ZNF236: variants seen among roughly 807,000 people sequenced by gnomAD.
ZNF236 encodes zinc finger protein 236.
ZNF236 carries 50 observed loss-of-function variants against 191.2 expected under a neutral mutation model. The observed-to-expected ratio is 0.26, with a 90% CI of 0.21 to 0.33. The LOEUF is 0.33. ZNF236 is among the 10% of genes least tolerant of loss of function. The pLI is 1.00. For synonymous variants in ZNF236, 907 were observed against 928.8 expected, an observed-to-expected ratio of 0.98 and a Z score of 0.43; for missense variants, 1,754 against 2,374.5, an observed-to-expected ratio of 0.74 and a Z score of 5.43.
At chr18:76,965,934 G>A (rs1466319930) in intron 30 of ZNF236, among the ~76,000 whole-genome samples, 1 of 152,226 alleles carries the variant, frequency 6.6e-6, no homozygotes, top group Non-Finnish European at 1.5e-5. Flanking sequence ...TGGTGGGCGG[G>A]GCCCTAGACC....
At chr18:76,868,110 C>CTGTG (rs373438759) in intron 3 of ZNF236, among the ~76,000 whole-genome samples, 1 of 151,732 alleles carries the variant, frequency 6.6e-6, no homozygotes, top group East Asian at 1.9e-4. Flanking sequence ...CTTTGAACTC[C>CTGTG]TGTGTGTGTG....
intron 14 of ZNF236, among the ~76,000 whole-genome samples, chr18:76,909,521 T>TC (rs916106535): frequency 1.3e-5 from 2 of 152,140 alleles, no homozygotes; most frequent in African/African-American, 4.8e-5. Flanking sequence ...GAGATGAGGC[T>TC]CCTGAACCAG....
intron 1 of ZNF236, among the ~76,000 whole-genome samples, chr18:76,843,049 G>A (rs909276005): frequency 1.3e-5 from 2 of 152,150 alleles, no homozygotes; most frequent in Non-Finnish European, 2.9e-5. Context: ...GAGGGACTCT[G>A]CAAAGAAAAT....
intron 25 of ZNF236, among the ~76,000 whole-genome samples, chr18:76,928,557 T>C (rs373410186): frequency 3.3e-5 from 5 of 152,186 alleles, no homozygotes; most frequent in African/African-American, 1.2e-4. Context: ...AGGAGAACAT[T>C]GAAAAGTAGA....
intron 11 of ZNF236, among the ~76,000 whole-genome samples, chr18:76,900,470 T>C (rs1437247991): frequency 7.2e-5 from 11 of 152,196 alleles, no homozygotes; most frequent in Admixed American, 7.2e-4. Flanking sequence ...TAAATATGCA[T>C]GAAACAGAAG....
Position 76,851,827 on chromosome 18 carries a change from C to T in ZNF236, c.251C>T (p.Thr84Ile). 3.1e-6 allele frequency: 5 copies of T among 1,614,082 alleles called. No individual in the cohort carries two copies. The South Asian group carries it at 4.4e-5, about 14-fold the overall frequency. Residue 84 changes from threonine to isoleucine, a missense_variant, in exon 3 of 31, where the codon ACA (threonine) becomes ATA (isoleucine). Around this residue, in one of 5 missense-constraint regions of ZNF236, gnomAD observed 336 missense variants for 495.1 expected, o/e 0.68. Coordinates refer to ENST00000320610, the MANE Select transcript of ZNF236 (RefSeq NM_001306089.2). Reference sequence around the variant, plus strand: ...ACATTTAATGTTGAATTCAACCTGACACTTCATAAATGCACCCACAGCGGG... The same window carrying T: ...ACATTTAATGTTGAATTCAACCTGATACTTCATAAATGCACCCACAGCGGG... Reference protein sequence around the residue: ...PQTFNVEFNLTLHKCTHSGED... With the variant: ...PQTFNVEFNLILHKCTHSGED...
At chr18:76,844,096 C>G (rs1328109379) in intron 1 of ZNF236, among the ~76,000 whole-genome samples, 1 of 151,936 alleles carries the variant, frequency 6.6e-6, no homozygotes, top group Non-Finnish European at 1.5e-5. Context: ...AAAAATTAGC[C>G]AGGCATGGTG....
rs1037096224 is a variant in ZNF236 at position 76,916,749 on chromosome 18, C to A, written c.3274+890C>A. 3.3e-5 allele frequency among the ~76,000 whole-genome samples: 5 copies of A among 152,290 alleles called. No individual in the cohort carries two copies. The Middle Eastern group carries it at 0.014, about 414-fold the overall frequency. ...GGCTGGTCTGAGTGTATGTGTTGGC[C>A]TGGGCTCTTGCCTGTGCCGCGGCCA... On this transcript the variant is annotated intron_variant, in intron 19 of 30. Coordinates refer to ENST00000320610, the MANE Select transcript of ZNF236 (RefSeq NM_001306089.2).
At position 76,905,259 on chromosome 18, in the gene ZNF236, C is replaced by T; in HGVS notation, c.2141C>T (p.Ser714Phe). Residue 714 changes from serine to phenylalanine, a missense_variant, in exon 13 of 31, where the codon TCT (serine) becomes TTT (phenylalanine). This residue lies in a region of ZNF236 where 641 missense variants were observed against 869.6 expected (regional missense o/e 0.74). Coordinates refer to ENST00000320610, the MANE Select transcript of ZNF236 (RefSeq NM_001306089.2). The part of the protein sequence containing the change: ...AHIRTHTGLK[S>F]FKCLICNGAF... ...ATCAGAACACACACAGGACTGAAAT[C>T]TTTCAAGTGTCTGATATGTAATGGG... is the stretch of plus-strand genomic sequence containing the variant. The T allele has an allele frequency of 6.2e-7, 1 of 1,614,214 alleles. No individual in the cohort carries two copies. Among genetic ancestry groups the T allele is most frequent in the Non-Finnish European group, 8.5e-7 (1 of 1,180,042 alleles).
intron 3 of ZNF236, among the ~76,000 whole-genome samples, chr18:76,866,748 C>G (rs17059989): frequency 0.064 from 9,790 of 152,208 alleles, 1,036 homozygotes; most frequent in African/African-American, 0.22. Context: ...GCCCGTTGTC[C>G]TAGTGGCCTG....
At chr18:76,871,986 T>C (rs1976596152) in intron 5 of ZNF236, among the ~76,000 whole-genome samples, 161 bp downstream of exon 5, 1 of 152,242 alleles carries the variant, frequency 6.6e-6, no homozygotes, top group Non-Finnish European at 1.5e-5. Context: ...ATTTCCTCAC[T>C]TGAAAAATGT....
At chr18:76,950,412 G>A (rs1445003884) in intron 27 of ZNF236, among the ~76,000 whole-genome samples, 3 of 152,114 alleles carry the variant, frequency 2.0e-5, no homozygotes, top group Non-Finnish European at 4.4e-5. Context: ...TCCATAAGAA[G>A]CAACTCCTTG....
rs1337022876 is a variant in ZNF236 at position 76,955,980 on chromosome 18, T to G, written c.4915-5T>G. On this transcript the variant is annotated splice_polypyrimidine_tract_variant and splice_region_variant and intron_variant, in intron 27 of 30. Transcript: ENST00000320610. ...TGGAAAGTCACAATTTCTGGCTCTT[T>G]CCAGGTAGCTGGCGTCTCTGGGAAC... is the stretch of plus-strand genomic sequence containing the variant. 6.2e-7 allele frequency: 1 copy of G among 1,606,340 alleles called. No individual in the cohort carries two copies.
At chr18:76,894,103 T>C (rs1977326021) in intron 9 of ZNF236, among the ~76,000 whole-genome samples, 1 of 152,240 alleles carries the variant, frequency 6.6e-6, no homozygotes, top group South Asian at 2.1e-4. Flanking sequence ...GATGCTACCT[T>C]AATTTCAGAT....
intron 26 of ZNF236, among the ~76,000 whole-genome samples, chr18:76,939,552 T>C (rs535833021): frequency 6.6e-6 from 1 of 152,296 alleles, no homozygotes; most frequent in South Asian, 2.1e-4. Flanking sequence ...CACTTTTCCT[T>C]ATTTACCATT....
intron 3 of ZNF236, among the ~76,000 whole-genome samples, chr18:76,857,258 A>G (rs1976068812): frequency 1.3e-5 from 2 of 151,950 alleles, no homozygotes; most frequent in South Asian, 4.1e-4. Flanking sequence ...TCACTCTCTC[A>G]TCCTGAATGC....
In ZNF236 at chr18:76,875,728, T is replaced by A. The variant is rs1976693887; in HGVS notation, c.840+64T>A. 3.8e-6 allele frequency: 5 copies of A among 1,316,806 alleles called. No individual in the cohort carries two copies. The highest frequency in any genetic ancestry group is 4.9e-6 in the Non-Finnish European group (5 of 1,017,586). 81.6% of individuals were successfully genotyped at this position (1,316,806 alleles called of 1,614,324 possible). A position where few individuals can be genotyped will look rare whatever the true frequency, so the allele number is the denominator to read the frequency against. ...GGACAGTAGGTATCTTTTGGGTTAA[T>A]AAACGGACCTGAGAAATTCTTTTCC... On this transcript the variant is annotated intron_variant, in intron 6 of 30. Transcript: ENST00000320610. This position sits in a 1 kb window ranked among gnomAD's most constrained non-coding sequence, Gnocchi z 4.3.
intron 3 of ZNF236, among the ~76,000 whole-genome samples, chr18:76,857,707 CT>C (rs1238607977): frequency 6.6e-6 from 1 of 152,224 alleles, no homozygotes; most frequent in Non-Finnish European, 1.5e-5. Flanking sequence ...GGCTGCCTTC[CT>C]GCTCTTCTAG....
At chr18:76,961,281 T>C (rs1196896380) in intron 30 of ZNF236, among the ~76,000 whole-genome samples, 1 of 152,278 alleles carries the variant, frequency 6.6e-6, no homozygotes, top group Non-Finnish European at 1.5e-5. Flanking sequence ...CCTGTGTTAC[T>C]TCACTTAGAA....
Sources: allele counts gnomAD v4.1 joint callset (sites outside exome capture counted in the v4.1 genomes callset), GRCh38; gene constraint gnomAD v4.1.1; regional missense constraint gnomAD v4.1.1; non-coding constraint Gnocchi (gnomAD v3.1); transcripts MANE v1.5; gene names NCBI Gene and HGNC (gene_info 2026-07-23, HGNC 2026-07-21).